PLA2G7: variants seen among roughly 807,000 people sequenced by gnomAD.
PLA2G7 encodes phospholipase A2 group VII.
A neutral mutation model predicts 49.6 loss-of-function variants in PLA2G7; 63 were observed. The ratio of observed to expected loss-of-function variants is 1.27; its 90% CI spans 1.04 to 1.57. The LOEUF (loss-of-function observed/expected upper bound fraction) is 1.57. Among genes scored for constraint, PLA2G7 ranks in the 40% most tolerant of loss-of-function variants. The pLI, the probability that PLA2G7 is intolerant of heterozygous loss-of-function variation, is 0.00. For missense variants in PLA2G7, 596 were observed against 521.2 expected (o/e 1.14, Z -1.40); for synonymous variants, 193 against 169.9 (o/e 1.14, Z -1.06).
chr6:46,723,671 G>A (rs781214729), intron 1 of PLA2G7, among the ~76,000 whole-genome samples: 10 of 151,972 alleles, frequency 6.6e-5, no homozygotes, highest in Admixed American at 4.6e-4. Context: ...CTTTTGTGGG[G>A]GATAGAAAAG....
At chr6:46,733,795 G>A (rs1224168872) in intron 1 of PLA2G7, among the ~76,000 whole-genome samples, 24 of 152,182 alleles carry the variant, frequency 1.6e-4, no homozygotes. Context: ...TGAATTCAAT[G>A]TAAGCTCAAG....
Position 46,707,878 on chromosome 6 carries a change from A to G in PLA2G7, c.1040+113T>C, listed in dbSNP as rs577790987. ...AGATTATCTAATTCTCTCCTTATTG[A>G]AAGTCTAAACAACCAATTCAGCAAT... On this transcript the variant is annotated intron_variant, in intron 10 of 11. Transcript: ENST00000274793. 1.5e-3 allele frequency: 1,004 copies of G among 671,750 alleles called. 18 individuals are homozygous for G. The South Asian group carries it at 0.017, about 12-fold the overall frequency. 41.6% of individuals were successfully genotyped at this position (671,750 alleles called of 1,614,324 possible). A position where few individuals can be genotyped will look rare whatever the true frequency, so the allele number is the denominator to read the frequency against.
At chr6:46,719,759 G>T (rs927223235) in intron 2 of PLA2G7, among the ~76,000 whole-genome samples, 8 of 152,164 alleles carry the variant, frequency 5.3e-5, no homozygotes, top group Non-Finnish European at 1.0e-4. Flanking sequence ...TGTAGGTCAA[G>T]TTCTTAGTAC....
intron 1 of PLA2G7, among the ~76,000 whole-genome samples, chr6:46,727,341 A>C (rs1180358841): frequency 6.6e-6 from 1 of 152,250 alleles, no homozygotes; most frequent in Non-Finnish European, 1.5e-5. Flanking sequence ...TCTCTGTGAA[A>C]AGCTGACAGA....
At chr6:46,717,718 T>C (rs1242562377) in intron 2 of PLA2G7, among the ~76,000 whole-genome samples, 1 of 88,156 alleles carries the variant, frequency 1.1e-5, no homozygotes. Context: ...TCTTTTTCTT[T>C]TTTTTTTTTT....
At chr6:46,732,148 C>G (rs1383637250) in intron 1 of PLA2G7, among the ~76,000 whole-genome samples, 7 of 152,196 alleles carry the variant, frequency 4.6e-5, no homozygotes, top group African/African-American at 9.7e-5. Context: ...TCCTCCAACT[C>G]TCCTTCTCCC....
At chr6:46,722,239 T>C (rs1765422743) in intron 2 of PLA2G7, among the ~76,000 whole-genome samples, 1 of 152,212 alleles carries the variant, frequency 6.6e-6, no homozygotes, top group Non-Finnish European at 1.5e-5. Context: ...TGGAACTCCC[T>C]AGCACCTACT....
intron 2 of PLA2G7, among the ~76,000 whole-genome samples, chr6:46,721,317 A>G (rs1765393326): frequency 1.3e-5 from 2 of 152,084 alleles, no homozygotes; most frequent in South Asian, 4.2e-4. Context: ...CAAAGTGCTC[A>G]GATTACAGGC....
intron 10 of PLA2G7, among the ~76,000 whole-genome samples, 187 bp downstream of exon 10, chr6:46,707,804 T>C (rs995850878): frequency 6.6e-6 from 1 of 152,176 alleles, no homozygotes; most frequent in Non-Finnish European, 1.5e-5. Context: ...ACTATATACG[T>C]TAACATTCCC....
chr6:46,725,413 G>C (rs1765538750), intron 1 of PLA2G7, among the ~76,000 whole-genome samples: 1 of 151,936 alleles, frequency 6.6e-6, no homozygotes, highest in Non-Finnish European at 1.5e-5. Context: ...TGTATTTTTA[G>C]TAGAGATGGG....
intron 2 of PLA2G7, among the ~76,000 whole-genome samples, chr6:46,717,610 C>T (rs188930852): frequency 3.9e-5 from 6 of 152,220 alleles, no homozygotes; most frequent in Non-Finnish European, 8.8e-5. Flanking sequence ...TCCTCATCTC[C>T]TGCACCACAA....
In PLA2G7 at chr6:46,704,531, A is replaced by T. The variant is rs1398011854; in HGVS notation, c.*29T>A. ...ACACATAATTTTAGACAGTTTTGAA[A>T]CAAGACTTTTAAAAAACCTATTTTA... On this transcript the variant is annotated 3_prime_UTR_variant, in exon 12 of 12. Coordinates refer to ENST00000274793, the MANE Select transcript of PLA2G7 (RefSeq NM_005084.4). The T allele has an allele frequency of 2.9e-6, 4 of 1,367,078 alleles. No homozygotes were observed. Among genetic ancestry groups the T allele is most frequent in the Non-Finnish European group, 3.1e-6 (3 of 958,632 alleles). 84.7% of individuals were successfully genotyped at this position (1,367,078 alleles called of 1,614,324 possible).
At chr6:46,723,847 C>A (rs530971225) in intron 1 of PLA2G7, among the ~76,000 whole-genome samples, 1 of 152,146 alleles carries the variant, frequency 6.6e-6, no homozygotes, top group Non-Finnish European at 1.5e-5. Flanking sequence ...GGGGGAGAAG[C>A]CATTCACCCA....
At chr6:46,710,043 G>C (rs1764960320) in intron 8 of PLA2G7, among the ~76,000 whole-genome samples, 1 of 152,158 alleles carries the variant, frequency 6.6e-6, no homozygotes, top group African/African-American at 2.4e-5. Context: ...ATACAGAAGA[G>C]AGTGGCTGCT....
intron 1 of PLA2G7, among the ~76,000 whole-genome samples, chr6:46,731,770 T>C (rs1287169432): frequency 6.6e-6 from 1 of 152,202 alleles, no homozygotes; most frequent in Non-Finnish European, 1.5e-5. Context: ...CTTCAGGGCA[T>C]ATTCATTTGT....
At position 46,727,103 on chromosome 6, in the gene PLA2G7, G is replaced by T. The variant is rs371540781; in HGVS notation, c.-34-4178C>A. On this transcript the variant is annotated intron_variant, in intron 1 of 11. Coordinates refer to ENST00000274793, the MANE Select transcript of PLA2G7 (RefSeq NM_005084.4). ...TCAGATAATACATTCCATTTAAACGGATTCTACCTTTCTGCCTCTCTCCTG... is the reference window on the plus strand; with the variant it reads ...TCAGATAATACATTCCATTTAAACGTATTCTACCTTTCTGCCTCTCTCCTG... Among the ~76,000 whole-genome samples the T allele has an allele frequency of 3.3e-5, 5 of 152,118 alleles. No homozygotes were observed. In the South Asian group the frequency reaches 6.2e-4, roughly 19 times the overall value.
chr6:46,709,270 AAT>A (rs1764929752), intron 9 of PLA2G7, 55 bp downstream of exon 9: 6 of 976,184 alleles, frequency 6.1e-6, no homozygotes, highest in Non-Finnish European at 9.9e-6. Flanking sequence ...TATATCTCAC[AAT>A]ATAATTTCTT....
chr6:46,715,487 G>T (rs574925397), intron 4 of PLA2G7, among the ~76,000 whole-genome samples: 3 of 152,282 alleles, frequency 2.0e-5, no homozygotes, highest in Admixed American at 2.0e-4. Flanking sequence ...AAGCAGTGGT[G>T]CAATCCATCA....
chr6:46,706,678 T>C (rs890712872), intron 10 of PLA2G7, among the ~76,000 whole-genome samples: 1 of 152,168 alleles, frequency 6.6e-6, no homozygotes, highest in Non-Finnish European at 1.5e-5. Context: ...CAATGACTAA[T>C]ATTGGCTATT....
Sources: gnomAD v4.1 joint callset for allele counts (sites outside exome capture counted in the v4.1 genomes callset) on GRCh38, gnomAD v4.1.1 for gene constraint, MANE v1.5 for transcripts, NCBI Gene and HGNC (gene_info 2026-07-23, HGNC 2026-07-21) for gene names.